Variants in WDPCP observed in about 807,000 individuals in gnomAD.
WDPCP encodes the protein WD repeat-containing and planar cell polarity effector protein fritz homolog.
WDPCP carries 71 observed loss-of-function variants against 93.1 expected under a neutral mutation model. That is an observed-to-expected ratio of 0.76 (90% confidence interval 0.63 to 0.93). The LOEUF (loss-of-function observed/expected upper bound fraction) is 0.93. Among genes scored for constraint, WDPCP ranks in the 40% least tolerant of loss-of-function variants. The pLI is 0.00. For missense variants in WDPCP, 844 were observed against 887.4 expected (o/e 0.95, Z 0.62); for synonymous variants, 315 against 315.0 (o/e 1.00, Z 0.00).
intron 14 of WDPCP, among the ~76,000 whole-genome samples, chr2:63,251,273 T>G (rs1458223658): frequency 2.0e-5 from 3 of 151,946 alleles, no homozygotes. Flanking sequence ...CAATCAGAAA[T>G]GACAAAGGTA....
At chr2:63,415,705 T>C (rs1000170296) in intron 9 of WDPCP, among the ~76,000 whole-genome samples, 17 of 152,208 alleles carry the variant, frequency 1.1e-4, no homozygotes, top group African/African-American at 3.9e-4. Flanking sequence ...TATCAGCTTT[T>C]CCTTTATACA....
At chr2:63,765,008 G>C (rs925610715) in intron 2 of WDPCP, among the ~76,000 whole-genome samples, 13 of 152,184 alleles carry the variant, frequency 8.5e-5, no homozygotes, top group Non-Finnish European at 1.5e-4. Flanking sequence ...CAACAAAGAT[G>C]TGTGGAAAGC....
chr2:63,350,095 G>A (rs1380607028), intron 12 of WDPCP, among the ~76,000 whole-genome samples: 1 of 152,142 alleles, frequency 6.6e-6, no homozygotes, highest in East Asian at 1.9e-4. Context: ...TATACACCAT[G>A]GAATACTATG....
chr2:63,496,920 T>C (rs767786203), intron 1 of WDPCP, among the ~76,000 whole-genome samples: 3 of 152,006 alleles, frequency 2.0e-5, no homozygotes, highest in Non-Finnish European at 4.4e-5. Flanking sequence ...GAGACCAGCC[T>C]GGCCTTCATG....
chr2:63,191,318 G>C (rs1174842301), intron 14 of WDPCP, among the ~76,000 whole-genome samples: 1 of 152,114 alleles, frequency 6.6e-6, no homozygotes, highest in African/African-American at 2.4e-5. Flanking sequence ...CGTGAACCCG[G>C]GAGGCGGAGC....
intron 1 of WDPCP, among the ~76,000 whole-genome samples, chr2:63,816,468 A>G (rs1448671350): frequency 6.6e-6 from 1 of 152,222 alleles, no homozygotes; most frequent in African/African-American, 2.4e-5. Context: ...GAGACAGAAG[A>G]TAAGAAAGAC....
intron 17 of WDPCP, among the ~76,000 whole-genome samples, chr2:63,147,718 C>T (rs1360922584): frequency 6.6e-6 from 1 of 151,988 alleles, no homozygotes; most frequent in African/African-American, 2.4e-5. Context: ...CCTGTAATCC[C>T]AGCACTTTGG....
intron 8 of WDPCP, 33 bp from the exon 9 acceptor site, chr2:63,433,969 T>C (rs898305265): frequency 6.2e-7 from 1 of 1,603,522 alleles, no homozygotes; most frequent in Non-Finnish European, 8.5e-7. Flanking sequence ...CATGAAACAT[T>C]TCTTTTAAAA....
chr2:63,487,107 G>C lies in WDPCP; in HGVS notation c.208+340C>G, dbSNP rs1700617704. Among the ~76,000 whole-genome samples the C allele has an allele frequency of 1.3e-5, 2 of 152,006 alleles. 1 individual carries two copies. Among genetic ancestry groups the C allele is most frequent in the South Asian group, 4.1e-4 (2 of 4,822 alleles). ...TCAGAAATGCCTATTTCAGATATCAGGTGAGGATCCAGGAGGCCAGCATCA... is the reference window on the plus strand; with the variant it reads ...TCAGAAATGCCTATTTCAGATATCACGTGAGGATCCAGGAGGCCAGCATCA... On this transcript the variant is annotated intron_variant, in intron 3 of 17. Coordinates refer to ENST00000272321, the MANE Select transcript of WDPCP (RefSeq NM_015910.7).
intron 6 of WDPCP, among the ~76,000 whole-genome samples, chr2:63,464,385 T>C (rs1303387345): frequency 6.6e-6 from 1 of 152,086 alleles, no homozygotes; most frequent in Non-Finnish European, 1.5e-5. Context: ...AGAAAAGATC[T>C]AGTGTTAGCA....
chr2:63,303,658 T>G (rs974909435), intron 13 of WDPCP, among the ~76,000 whole-genome samples: 5 of 152,160 alleles, frequency 3.3e-5, no homozygotes, highest in African/African-American at 1.2e-4. Flanking sequence ...ACAGTGGGGC[T>G]AAGTAAAGAT....
intron 13 of WDPCP, among the ~76,000 whole-genome samples, chr2:63,294,546 A>C (rs1477597700): frequency 6.6e-6 from 1 of 151,892 alleles, no homozygotes. Context: ...TGAAAGAAAA[A>C]AAATGTCAAC....
At chr2:63,500,705 TC>T (rs1701497684) in intron 1 of WDPCP, among the ~76,000 whole-genome samples, 1 of 152,138 alleles carries the variant, frequency 6.6e-6, no homozygotes, top group Admixed American at 6.5e-5. Context: ...TGCCTCAATT[TC>T]CCCACCTGCA....
intron 14 of WDPCP, chr2:63,233,241 C>G (rs895078503): frequency 6.0e-6 from 1 of 166,482 alleles, no homozygotes; most frequent in Admixed American, 6.5e-5. Flanking sequence ...CAATGGATCC[C>G]AAATTAGTTG....
intron 3 of WDPCP, among the ~76,000 whole-genome samples, chr2:63,647,807 C>T (rs1332763099): frequency 1.3e-5 from 2 of 151,640 alleles, no homozygotes; most frequent in South Asian, 4.2e-4. Context: ...TTTTTTACAA[C>T]TGCATGTGAA....
At chr2:63,676,337 C>T (rs890147878) in intron 2 of WDPCP, among the ~76,000 whole-genome samples, 2 of 152,124 alleles carry the variant, frequency 1.3e-5, no homozygotes, top group African/African-American at 4.8e-5. Flanking sequence ...GATTCTTGAG[C>T]TAGGAAAAGC....
At chr2:63,586,726 T>C (rs1307983265) in intron 1 of WDPCP, among the ~76,000 whole-genome samples, 1 of 152,224 alleles carries the variant, frequency 6.6e-6, no homozygotes, top group Non-Finnish European at 1.5e-5. Flanking sequence ...CAATTCTGTA[T>C]ATCTGGACTG....
chr2:63,684,268 C>G, intron 2 of WDPCP: 1 of 523,576 alleles, frequency 1.9e-6, no homozygotes. Flanking sequence ...TAGTAAGAAA[C>G]GCCCTTTTTG....
Position 63,721,859 on chromosome 2 carries a change from C to G in WDPCP, n.309-71021G>C, listed in dbSNP as rs920659196. Among the ~76,000 whole-genome samples the G allele has an allele frequency of 2.4e-3, 365 of 152,290 alleles. 2 individuals are homozygous for G. Among genetic ancestry groups the G allele is most frequent in the African/African-American group, 8.4e-3 (348 of 41,566 alleles). On this transcript the variant is annotated intron_variant and non_coding_transcript_variant, in intron 2 of 4. Coordinates refer to the WDPCP transcript ENST00000467687. ...TCCCTGCCTGATTCTCCTGACTCAG[C>G]CTGCCGAGTGCCTGCGATTGCAGGC...
Sources: allele counts gnomAD v4.1 joint callset (sites outside exome capture counted in the v4.1 genomes callset), GRCh38; gene constraint gnomAD v4.1.1; transcripts MANE v1.5; gene names NCBI Gene and HGNC (gene_info 2026-07-23, HGNC 2026-07-21).